Variants in MAST4 observed in about 807,000 individuals in gnomAD.
The protein encoded by MAST4 is microtubule associated serine/threonine kinase family member 4, also known as microtubule-associated serine/threonine-protein kinase 4.
Under a neutral mutation model 162.7 loss-of-function variants are expected in MAST4, and 89 were observed. The observed-to-expected ratio is 0.55, with a 90% confidence interval of 0.46 to 0.65. MAST4 has a LOEUF of 0.65. MAST4 is among the 30% of genes least tolerant of loss of function. The pLI, the probability that MAST4 is intolerant of heterozygous loss-of-function variation, is 0.00. For missense variants in MAST4, 3,153 were observed against 3,374.0 expected (o/e 0.93, Z 1.62); for synonymous variants, 1,479 against 1,361.1 (o/e 1.09, Z -1.91).
At chr5:66,682,173 C>T (rs1041702505) in intron 1 of MAST4, among the ~76,000 whole-genome samples, 1 of 150,090 alleles carries the variant, frequency 6.7e-6, no homozygotes, top group African/African-American at 2.4e-5. Flanking sequence ...AAGGCTGCCC[C>T]ATAGGTCAAG....
At chr5:67,015,208 C>T (rs960999351) in intron 4 of MAST4, among the ~76,000 whole-genome samples, 12 of 152,184 alleles carry the variant, frequency 7.9e-5, no homozygotes, top group African/African-American at 2.9e-4. Context: ...TAAGGAAGCT[C>T]GTCATGACCT....
intron 3 of MAST4, among the ~76,000 whole-genome samples, chr5:66,881,461 T>C (rs73765769): frequency 6.6e-6 from 1 of 152,226 alleles, no homozygotes; most frequent in Admixed American, 6.5e-5. Flanking sequence ...AACACAAGAA[T>C]GCAGTTATTT....
intron 2 of MAST4, among the ~76,000 whole-genome samples, chr5:66,782,949 C>T (rs1171830405): frequency 6.6e-6 from 1 of 152,224 alleles, no homozygotes; most frequent in East Asian, 1.9e-4. Context: ...TTGATGTAAT[C>T]ACTATCAACT....
intron 2 of MAST4, among the ~76,000 whole-genome samples, chr5:66,761,398 A>C (rs1475173383): frequency 6.6e-6 from 1 of 152,228 alleles, no homozygotes; most frequent in Non-Finnish European, 1.5e-5. Flanking sequence ...ACTATATACC[A>C]CTGAAAGCTG....
chr5:67,004,868 T>C (rs941625259), intron 4 of MAST4: 24 of 640,748 alleles, frequency 3.7e-5, no homozygotes, highest in Admixed American at 7.4e-5. Context: ...ACATTTTCTC[T>C]GGAGGGAGTG....
chr5:66,632,921 A>G (rs1744879260), intron 1 of MAST4, among the ~76,000 whole-genome samples: 1 of 152,200 alleles, frequency 6.6e-6, no homozygotes, highest in African/African-American at 2.4e-5. Context: ...AATACACATA[A>G]TATACACACT....
chr5:66,973,503 G>T (rs1747723487), intron 4 of MAST4, among the ~76,000 whole-genome samples: 1 of 152,130 alleles, frequency 6.6e-6, no homozygotes, highest in Admixed American at 6.5e-5. Flanking sequence ...CCAAGAACAG[G>T]TGATGATGTC....
At chr5:66,670,245 AT>A (rs1176773089) in intron 1 of MAST4, among the ~76,000 whole-genome samples, 3 of 152,080 alleles carry the variant, frequency 2.0e-5, no homozygotes, top group African/African-American at 7.2e-5. Flanking sequence ...AGTTACTGTG[AT>A]TTTTGGATTA....
intron 26 of MAST4, among the ~76,000 whole-genome samples, chr5:67,156,497 G>A (rs1772553357): frequency 6.6e-6 from 1 of 152,236 alleles, no homozygotes; most frequent in South Asian, 2.1e-4. Flanking sequence ...AGTTCCAAAA[G>A]AGGGATGACT....
At chr5:66,810,169 G>A (rs1465464159) in intron 3 of MAST4, among the ~76,000 whole-genome samples, 3 of 152,186 alleles carry the variant, frequency 2.0e-5, no homozygotes, top group Admixed American at 1.3e-4. Context: ...AAGGGGATTC[G>A]TAGTTGGTGA....
At chr5:67,135,891 A>G (rs575168421) in intron 18 of MAST4, among the ~76,000 whole-genome samples, 1 of 152,346 alleles carries the variant, frequency 6.6e-6, no homozygotes, top group Admixed American at 6.5e-5. Context: ...ACACACAAGC[A>G]CGCACACCTA....
chr5:66,814,056 G>A (rs1357149710), intron 3 of MAST4, among the ~76,000 whole-genome samples: 2 of 152,304 alleles, frequency 1.3e-5, no homozygotes, highest in East Asian at 3.9e-4. Context: ...GGGGACCTGT[G>A]TGGGTTAAGA....
chr5:67,048,174 A>G (rs1176291138), intron 4 of MAST4, among the ~76,000 whole-genome samples: 1 of 152,184 alleles, frequency 6.6e-6, no homozygotes, highest in Non-Finnish European at 1.5e-5. Context: ...AATCAAATGC[A>G]CAGAGTTCTA....
At position 66,672,693 on chromosome 5, in the gene MAST4, T is replaced by C. The variant is rs187207934; in HGVS notation, c.363+75675T>C. ...CTGCAGTTTACTAACCACTTTCTCA[T>C]TGATGGGTTGCTTTTAACTTCTGGC... On this transcript the variant is annotated intron_variant, in intron 1 of 28. Coordinates refer to ENST00000403625, the MANE Select transcript of MAST4 (RefSeq NM_001164664.2). Among the ~76,000 whole-genome samples, 258 of 152,268 alleles carry C rather than the reference T, an allele frequency of 1.7e-3. 2 individuals carry two copies. The highest frequency in any genetic ancestry group is 6.0e-3 in the African/African-American group (249 of 41,546).
At chr5:66,771,931 C>G (rs552185045) in intron 2 of MAST4, among the ~76,000 whole-genome samples, 1 of 152,150 alleles carries the variant, frequency 6.6e-6, no homozygotes, top group South Asian at 2.1e-4. Flanking sequence ...GCTTTCCTAT[C>G]CTTCATGCAT....
intron 27 of MAST4, among the ~76,000 whole-genome samples, chr5:67,161,694 C>T (rs1219940547): frequency 6.6e-6 from 1 of 152,152 alleles, no homozygotes; most frequent in African/African-American, 2.4e-5. Context: ...TGCTGTTTTT[C>T]ATTGTATGTT....
chr5:66,673,083 A>T (rs962257723), intron 1 of MAST4, among the ~76,000 whole-genome samples: 3 of 151,940 alleles, frequency 2.0e-5, no homozygotes, highest in African/African-American at 7.3e-5. Context: ...TGTGTGTGTG[A>T]GTGTTTTTCT....
intron 4 of MAST4, among the ~76,000 whole-genome samples, chr5:66,919,077 T>G (rs1348665273): frequency 6.9e-6 from 1 of 144,164 alleles, no homozygotes; most frequent in African/African-American, 2.7e-5. Flanking sequence ...CACTCCAGCC[T>G]GGGTGACAGA....
chr5:66,819,408 G>A (rs1415079907), intron 3 of MAST4, among the ~76,000 whole-genome samples: 1 of 152,166 alleles, frequency 6.6e-6, no homozygotes, highest in African/African-American at 2.4e-5. Context: ...CAAAATCTCA[G>A]AATTCATTTA....
Sources: allele counts gnomAD v4.1 joint callset (sites outside exome capture counted in the v4.1 genomes callset), GRCh38; gene constraint gnomAD v4.1.1; transcripts MANE v1.5; gene names NCBI Gene and HGNC (gene_info 2026-07-23, HGNC 2026-07-21).